The following NEBL variants were observed in gnomAD, a reference collection of about 807,000 sequenced individuals.
NEBL encodes LIM and SH3 protein 2.
NEBL carries 122 observed loss-of-function variants against 140.2 expected under a neutral mutation model. The ratio of observed to expected loss-of-function variants is 0.87; its 90% CI spans 0.75 to 1.01. The LOEUF (loss-of-function observed/expected upper bound fraction) is 1.01, where lower values mean the gene tolerates loss of function less well. Ranked by LOEUF, NEBL falls within the 50% of genes least tolerant of loss-of-function variation. The pLI is 0.00. For synonymous variants in NEBL, 436 were observed against 398.9 expected, an observed-to-expected ratio of 1.09 and a Z score of -1.11; for missense variants, 1,365 against 1,231.3, an observed-to-expected ratio of 1.11 and a Z score of -1.62.
chr10:20,989,828 G>GT (rs1343713942), intron 3 of NEBL, among the ~76,000 whole-genome samples: 4 of 152,298 alleles, frequency 2.6e-5, no homozygotes, highest in Non-Finnish European at 5.9e-5. Flanking sequence ...GTCTGCAGAG[G>GT]TTGGGGGGTG....
Position 20,939,362 on chromosome 10 carries a change from T to C in NEBL, c.357+22310A>G, listed in dbSNP as rs1834706659. ...CTTCTTAAGTGAAGGAGAAATAAAA[T>C]ACTTTACAGACAAGCAAATGCTGAG... On this transcript the variant is annotated intron_variant, in intron 4 of 6. Coordinates refer to the NEBL transcript ENST00000417816. 3.3e-5 allele frequency among the ~76,000 whole-genome samples: 5 copies of C among 152,194 alleles called. No individual in the cohort carries two copies. The South Asian group carries it at 1.0e-3, about 32-fold the overall frequency.
chr10:21,218,469 AT>A (rs151328522), intron 3 of NEBL, among the ~76,000 whole-genome samples: 2 of 151,964 alleles, frequency 1.3e-5, no homozygotes, highest in Non-Finnish European at 2.9e-5. Flanking sequence ...ATAAGATAAA[AT>A]TTTTTTATCT....
In NEBL at chr10:21,182,056, A is replaced by G. The variant is rs539433509; in HGVS notation, n.349-9579T>C. On this transcript the variant is annotated intron_variant and non_coding_transcript_variant, in intron 3 of 8. Coordinates refer to the NEBL transcript ENST00000675702. ...CTAACCGATCCAGAATATTAAGGGA[A>G]ACTCAAGAACAAAAATGGCGGAGGG... is the stretch of plus-strand genomic sequence containing the variant. Among the ~76,000 whole-genome samples, 9 of 152,324 alleles carry G rather than the reference A, an allele frequency of 5.9e-5. No individual in the cohort carries two copies. In the East Asian group the frequency reaches 1.4e-3, roughly 23 times the overall value.
intron 4 of NEBL, among the ~76,000 whole-genome samples, chr10:20,947,962 A>G (rs934629280): frequency 6.6e-6 from 1 of 152,222 alleles, no homozygotes; most frequent in Admixed American, 6.5e-5. Flanking sequence ...GGCCACACAA[A>G]AAAATATGTT....
chr10:20,826,182 G>A (rs1339767089), intron 18 of NEBL, among the ~76,000 whole-genome samples: 1 of 152,268 alleles, frequency 6.6e-6, no homozygotes, highest in East Asian at 1.9e-4. Flanking sequence ...TCTTCAAAGA[G>A]ATGAAATCTA....
intron 3 of NEBL, among the ~76,000 whole-genome samples, chr10:21,239,345 G>C (rs2132262389): frequency 6.6e-6 from 1 of 152,160 alleles, no homozygotes; most frequent in Middle Eastern, 3.4e-3. Flanking sequence ...CCAAGAAATA[G>C]TCGTTTGAAG....
chr10:20,985,405 T>C (rs551847974), intron 3 of NEBL, among the ~76,000 whole-genome samples: 1 of 152,322 alleles, frequency 6.6e-6, no homozygotes, highest in South Asian at 2.1e-4. Flanking sequence ...AAAATTTTGT[T>C]CAAAAAATAT....
chr10:20,886,909 C>A (rs1846572253), intron 4 of NEBL, among the ~76,000 whole-genome samples: 1 of 152,166 alleles, frequency 6.6e-6, no homozygotes, highest in Non-Finnish European at 1.5e-5. Flanking sequence ...TAAAATTCCA[C>A]AAAATCCATT....
intron 3 of NEBL, among the ~76,000 whole-genome samples, chr10:21,225,724 G>T (rs535903666): frequency 6.6e-6 from 1 of 152,250 alleles, no homozygotes; most frequent in East Asian, 1.9e-4. Context: ...AGGCCCAAGC[G>T]CTCTTCAGTC....
intron 2 of NEBL, among the ~76,000 whole-genome samples, chr10:21,083,621 G>A (rs1836487195): frequency 6.6e-6 from 1 of 152,156 alleles, no homozygotes; most frequent in Non-Finnish European, 1.5e-5. Context: ...AAGGCAGGAG[G>A]ATCACTTGAG....
At chr10:21,072,819 C>T (rs187495385) in intron 2 of NEBL, among the ~76,000 whole-genome samples, 27 of 152,196 alleles carry the variant, frequency 1.8e-4, no homozygotes, top group African/African-American at 5.8e-4. Flanking sequence ...GATAAAACTC[C>T]GTCTCTACTA....
intron 3 of NEBL, among the ~76,000 whole-genome samples, chr10:21,188,477 T>C (rs1841513935): frequency 6.6e-6 from 1 of 152,244 alleles, no homozygotes; most frequent in Admixed American, 6.5e-5. Context: ...ATTATAAGTC[T>C]GATTTATTTC....
In NEBL at chr10:20,995,687, T is replaced by G. The variant is rs188119765; in HGVS notation, c.249+24430A>C. Among the ~76,000 whole-genome samples the G allele has an allele frequency of 2.1e-4, 32 of 152,286 alleles. No homozygotes were observed. The East Asian group carries it at 6.0e-3, about 28-fold the overall frequency. On this transcript the variant is annotated intron_variant, in intron 3 of 6. Transcript: ENST00000417816. The stretch of plus-strand genomic sequence containing the variant: ...ATAAACCCTCCACATCAAAACATCC[T>G]TGAATTCCTTTTTAAATTTCCAAAA...
chr10:20,843,590 C>T (rs916317179), intron 12 of NEBL, among the ~76,000 whole-genome samples: 5 of 151,992 alleles, frequency 3.3e-5, no homozygotes, highest in African/African-American at 1.2e-4. Flanking sequence ...TGGAAGACAA[C>T]AGTAGTAGGA....
At chr10:20,948,395 T>C (rs754275942) in intron 4 of NEBL, among the ~76,000 whole-genome samples, 5 of 152,224 alleles carry the variant, frequency 3.3e-5, no homozygotes, top group Non-Finnish European at 5.9e-5. Context: ...ACACTAGTCC[T>C]TTCCTTTTAT....
intron 18 of NEBL, among the ~76,000 whole-genome samples, chr10:20,824,678 T>G (rs1004690777): frequency 1.3e-5 from 2 of 152,196 alleles, no homozygotes; most frequent in Admixed American, 6.5e-5. Context: ...CATTTATTGT[T>G]TGCTAGAAGA....
intron 4 of NEBL, among the ~76,000 whole-genome samples, chr10:20,902,598 G>A (rs1588983186): frequency 6.6e-6 from 1 of 152,118 alleles, no homozygotes; most frequent in African/African-American, 2.4e-5. Context: ...TTAAAACGAT[G>A]TACTCTGCTT....
intron 4 of NEBL, among the ~76,000 whole-genome samples, chr10:20,921,668 T>C (rs777298115): frequency 6.6e-6 from 1 of 152,148 alleles, no homozygotes; most frequent in African/African-American, 2.4e-5. Flanking sequence ...GCAAACTCTC[T>C]TTATTTGCCA....
chr10:20,949,024 G>A (rs544134777), intron 4 of NEBL, among the ~76,000 whole-genome samples: 49 of 152,282 alleles, frequency 3.2e-4, no homozygotes, highest in African/African-American at 1.0e-3. Flanking sequence ...TATTTCAGAT[G>A]CATGTATGTT....
Sources: gnomAD v4.1 joint callset for allele counts (sites outside exome capture counted in the v4.1 genomes callset) on GRCh38, gnomAD v4.1.1 for gene constraint, MANE v1.5 for transcripts, NCBI Gene and HGNC (gene_info 2026-07-23, HGNC 2026-07-21) for gene names.